Variants in PKNOX2 observed in about 807,000 individuals in gnomAD.
PKNOX2 encodes the protein PBX/knotted 1 homeobox 2.
Under a neutral mutation model 53.1 loss-of-function variants are expected in PKNOX2, and 14 were observed. That is an observed-to-expected ratio of 0.26 (90% confidence interval 0.17 to 0.41). The LOEUF is 0.41. Among genes scored for constraint, PKNOX2 ranks in the 10% least tolerant of loss-of-function variants. The pLI is 1.00. For missense variants in PKNOX2, 496 were observed against 602.8 expected, an observed-to-expected ratio of 0.82 and a Z score of 1.85; for synonymous variants, 257 against 242.8, an observed-to-expected ratio of 1.06 and a Z score of -0.54.
At chr11:125,355,486 G>A (rs897275160) in intron 4 of PKNOX2, among the ~76,000 whole-genome samples, 1 of 152,074 alleles carries the variant, frequency 6.6e-6, no homozygotes, top group African/African-American at 2.4e-5. Flanking sequence ...TGAAGAGGTA[G>A]GGGTAAGTCA....
chr11:125,189,421 G>GTATATA (rs1956676395), intron 1 of PKNOX2, among the ~76,000 whole-genome samples: 1 of 44,668 alleles, frequency 2.2e-5, no homozygotes, highest in Non-Finnish European at 4.0e-5. Flanking sequence ...ATATGTGTGT[G>GTATATA]TGTGTGTGTG....
At chr11:125,396,057 G>A (rs913124590) in intron 6 of PKNOX2, among the ~76,000 whole-genome samples, 14 of 151,282 alleles carry the variant, frequency 9.3e-5, no homozygotes, top group Non-Finnish European at 2.1e-4. Context: ...GGGTTCAAGC[G>A]ATTCTCCTGC....
intron 10 of PKNOX2, among the ~76,000 whole-genome samples, chr11:125,416,302 CAAAAAAAAAA>C (rs61354494): frequency 1.4e-5 from 1 of 70,458 alleles, no homozygotes; most frequent in African/African-American, 6.0e-5. Context: ...GACGCCGTCT[CAAAAAAAAAA>C]AAAAAAAAAA....
intron 10 of PKNOX2, among the ~76,000 whole-genome samples, chr11:125,426,536 A>T (rs1165819185): frequency 6.6e-6 from 1 of 151,850 alleles, no homozygotes; most frequent in Non-Finnish European, 1.5e-5. Context: ...GCGTCTCCTT[A>T]TTGTGCTAGT....
intron 6 of PKNOX2, among the ~76,000 whole-genome samples, chr11:125,386,232 G>A (rs1953620547): frequency 6.6e-6 from 1 of 152,238 alleles, no homozygotes; most frequent in Non-Finnish European, 1.5e-5. Flanking sequence ...GGACAGGGTA[G>A]ATCAGCTTCC....
intron 2 of PKNOX2, among the ~76,000 whole-genome samples, chr11:125,302,743 C>T (rs1948160935): frequency 6.6e-6 from 1 of 152,216 alleles, no homozygotes; most frequent in South Asian, 2.1e-4. Flanking sequence ...CCCAGTTTTG[C>T]CTCTTCTGGC....
chr11:125,312,531 A>C (rs1037163794), intron 2 of PKNOX2, among the ~76,000 whole-genome samples: 1 of 152,164 alleles, frequency 6.6e-6, no homozygotes, highest in African/African-American at 2.4e-5. Flanking sequence ...ATATTCCATA[A>C]GGTGGTGTGT....
intron 2 of PKNOX2, among the ~76,000 whole-genome samples, chr11:125,247,844 A>G (rs1943678463): frequency 6.6e-6 from 1 of 152,190 alleles, no homozygotes; most frequent in African/African-American, 2.4e-5. Context: ...ATCTTTGCCA[A>G]GGACATTTCC....
intron 2 of PKNOX2, among the ~76,000 whole-genome samples, chr11:125,237,504 T>C (rs916864004): frequency 2.0e-5 from 3 of 152,216 alleles, no homozygotes; most frequent in Non-Finnish European, 4.4e-5. Flanking sequence ...CTCATCAAGT[T>C]AGTGGTCTGG....
chr11:125,209,082 G>T (rs1442392340), intron 1 of PKNOX2, among the ~76,000 whole-genome samples: 1 of 152,014 alleles, frequency 6.6e-6, no homozygotes, highest in South Asian at 2.1e-4. Flanking sequence ...TAATTCCAGA[G>T]GGCTAAGAAA....
chr11:125,421,325 G>A (rs1363566085), intron 10 of PKNOX2, among the ~76,000 whole-genome samples: 2 of 152,198 alleles, frequency 1.3e-5, no homozygotes, highest in Non-Finnish European at 2.9e-5. Context: ...GGCAGGATGG[G>A]GAGATGTTTC....
chr11:125,308,157 C>T (rs954719231), intron 2 of PKNOX2, among the ~76,000 whole-genome samples: 1 of 152,210 alleles, frequency 6.6e-6, no homozygotes, highest in Non-Finnish European at 1.5e-5. Context: ...ACTGGGATGG[C>T]CTTCCTTAGA....
At chr11:125,396,233 C>T (rs763669501) in intron 6 of PKNOX2, among the ~76,000 whole-genome samples, 13 of 152,282 alleles carry the variant, frequency 8.5e-5, no homozygotes, top group East Asian at 1.9e-4. Context: ...GGATTACAGG[C>T]GTGAGCCACT....
intron 1 of PKNOX2, among the ~76,000 whole-genome samples, chr11:125,208,964 G>C (rs1412426561): frequency 6.6e-6 from 1 of 152,000 alleles, no homozygotes; most frequent in Admixed American, 6.6e-5. Context: ...CAGTATCCGG[G>C]TTTCAGGGTC....
chr11:125,364,313 C>T (rs1952072765), intron 4 of PKNOX2, among the ~76,000 whole-genome samples: 1 of 152,254 alleles, frequency 6.6e-6, no homozygotes, highest in South Asian at 2.1e-4. Context: ...AAATTTGAGT[C>T]ATCGTCCTCC....
At chr11:125,299,758 G>T (rs907803588) in intron 2 of PKNOX2, among the ~76,000 whole-genome samples, 4 of 152,190 alleles carry the variant, frequency 2.6e-5, no homozygotes, top group African/African-American at 7.2e-5. Context: ...GAGGGTGAGC[G>T]TTGGGGATAT....
chr11:125,414,334 T>C (rs536817187), intron 10 of PKNOX2, among the ~76,000 whole-genome samples: 2 of 152,272 alleles, frequency 1.3e-5, no homozygotes, highest in Middle Eastern at 3.4e-3. Flanking sequence ...TGTTGCCCTC[T>C]CCAGCCTGGC....
intron 3 of PKNOX2, among the ~76,000 whole-genome samples, chr11:125,333,421 G>A (rs1181257784): frequency 1.3e-5 from 2 of 152,176 alleles, no homozygotes; most frequent in Non-Finnish European, 2.9e-5. Context: ...TAACAGGGTT[G>A]ATGGACTGCT....
chr11:125,182,752 G>A (rs986044381), intron 1 of PKNOX2, among the ~76,000 whole-genome samples: 2 of 152,174 alleles, frequency 1.3e-5, no homozygotes, highest in East Asian at 3.9e-4. Flanking sequence ...CCATTTCATA[G>A]CACTGTCCTG....
Sources: allele counts gnomAD v4.1 joint callset (sites outside exome capture counted in the v4.1 genomes callset), GRCh38; gene constraint gnomAD v4.1.1; transcripts MANE v1.5; gene names NCBI Gene and HGNC (gene_info 2026-07-23, HGNC 2026-07-21).